Variants in PPP2R2C observed in about 807,000 individuals in gnomAD.
PPP2R2C encodes protein phosphatase 2, regulatory subunit B, gamma.
PPP2R2C carries 10 observed loss-of-function variants against 45.3 expected under a neutral mutation model. The observed-to-expected ratio is 0.22, with a 90% CI of 0.14 to 0.37. The LOEUF is 0.37. PPP2R2C is among the 10% of genes least tolerant of loss of function. The probability of loss-of-function intolerance (pLI) is 1.00; values close to 1 mark genes in which losing one functional copy is unlikely to be tolerated. For missense variants in PPP2R2C, 308 were observed against 619.7 expected (o/e 0.50, Z 5.34); for synonymous variants, 257 against 245.4 (o/e 1.05, Z -0.44).
chr4:6,483,874 T>A (rs1266904487), intron 2 of PPP2R2C, among the ~76,000 whole-genome samples: 2 of 152,110 alleles, frequency 1.3e-5, no homozygotes, highest in African/African-American at 4.8e-5. Flanking sequence ...CAAAGGTTTT[T>A]ACTCTGTTTT....
intron 6 of PPP2R2C, among the ~76,000 whole-genome samples, chr4:6,341,475 C>A (rs1247428353): frequency 6.6e-6 from 1 of 152,088 alleles, no homozygotes; most frequent in Non-Finnish European, 1.5e-5. Flanking sequence ...CTTGGCTCTA[C>A]TTAGCTGTGT....
intron 2 of PPP2R2C, among the ~76,000 whole-genome samples, chr4:6,522,735 G>A (rs138010757): frequency 6.6e-6 from 1 of 152,268 alleles, no homozygotes; most frequent in African/African-American, 2.4e-5. Flanking sequence ...CTCAGCAGGG[G>A]TCTGCCCTGG....
At chr4:6,354,245 G>A (rs73076932) in intron 5 of PPP2R2C, among the ~76,000 whole-genome samples, 2,475 of 151,710 alleles carry the variant, frequency 0.016, 32 homozygotes, top group Middle Eastern at 0.068. Context: ...CGAGGAGGTC[G>A]GACTTGCCCA....
rs938147992 is a variant in PPP2R2C, at chr4:6,324,576, G to A, written c.1053-983C>T. ...CTGGGACAGAAAACCACCAGGCCCT[G>A]CTTCCCTCCAGGGGCCCGCCTGTCC... is the stretch of plus-strand genomic sequence containing the variant. On this transcript the variant is annotated intron_variant, in intron 8 of 8. Coordinates refer to ENST00000382599, the MANE Select transcript of PPP2R2C (RefSeq NM_020416.4). This position sits in a 1 kb window ranked among gnomAD's most constrained non-coding sequence, Gnocchi z 4.1. Among the ~76,000 whole-genome samples, 7 of 152,224 alleles carry A rather than the reference G, an allele frequency of 4.6e-5. No homozygotes were observed. The highest frequency in any genetic ancestry group is 1.0e-4 in the Non-Finnish European group (7 of 68,040).
intron 1 of PPP2R2C, among the ~76,000 whole-genome samples, chr4:6,407,838 C>CG (rs1717904830): frequency 6.6e-6 from 1 of 152,178 alleles, no homozygotes; most frequent in South Asian, 2.1e-4. Flanking sequence ...TTTAGTGCTG[C>CG]GCTATCCAGT....
intron 1 of PPP2R2C, among the ~76,000 whole-genome samples, chr4:6,417,802 G>A (rs374803992): frequency 1.1e-4 from 17 of 152,336 alleles, no homozygotes; most frequent in African/African-American, 3.6e-4. Context: ...GACGGCCCTC[G>A]TCCACAGCTC....
At chr4:6,483,109 A>AAATG (rs1375092200) in intron 2 of PPP2R2C, among the ~76,000 whole-genome samples, 1 of 117,126 alleles carries the variant, frequency 8.5e-6, no homozygotes, top group African/African-American at 3.2e-5. Flanking sequence ...ACTGATAGAT[A>AAATG]AATGGATAGA....
At chr4:6,359,671 A>T (rs1418223217) in intron 5 of PPP2R2C, among the ~76,000 whole-genome samples, 21 of 151,230 alleles carry the variant, frequency 1.4e-4, no homozygotes, top group Admixed American at 1.4e-3. Flanking sequence ...CCAGAGGCAC[A>T]GCCTGCTCTC....
chr4:6,377,779 G>T lies in PPP2R2C; in HGVS notation c.334+628C>A, dbSNP rs557002867. ...GCGTGAGTGGGGGACCCAGGCCCAT[G>T]GTGAGCCAAGCAGGACAGCCCCAGC... On this transcript the variant is annotated intron_variant, in intron 3 of 8. Coordinates refer to ENST00000382599, the MANE Select transcript of PPP2R2C (RefSeq NM_020416.4). Among the ~76,000 whole-genome samples the T allele has an allele frequency of 5.3e-5, 8 of 152,282 alleles. No homozygotes were observed. In the East Asian group the frequency reaches 1.5e-3, roughly 30 times the overall value.
chr4:6,359,673 C>A (rs1713553596), intron 5 of PPP2R2C, among the ~76,000 whole-genome samples: 1 of 151,678 alleles, frequency 6.6e-6, no homozygotes, highest in Non-Finnish European at 1.5e-5. Flanking sequence ...AGAGGCACAG[C>A]CTGCTCTCCT....
intron 2 of PPP2R2C, among the ~76,000 whole-genome samples, chr4:6,487,565 G>A (rs1232724405): frequency 2.0e-5 from 3 of 151,946 alleles, no homozygotes; most frequent in African/African-American, 7.3e-5. Context: ...AGAGAAATCT[G>A]CTGTAATCCA....
chr4:6,454,135 C>T (rs555109986), intron 1 of PPP2R2C, among the ~76,000 whole-genome samples: 7 of 152,270 alleles, frequency 4.6e-5, no homozygotes, highest in South Asian at 4.1e-4. Context: ...TGCTCAGGAG[C>T]GGGGCAGTGG....
intron 5 of PPP2R2C, among the ~76,000 whole-genome samples, chr4:6,362,554 A>G (rs576646455): frequency 6.6e-6 from 1 of 152,334 alleles, no homozygotes. Context: ...TAAAGCAAGA[A>G]CCAAGAAATA....
chr4:6,339,548 T>A (rs1733282310), intron 6 of PPP2R2C, among the ~76,000 whole-genome samples: 1 of 152,246 alleles, frequency 6.6e-6, no homozygotes, highest in Admixed American at 6.5e-5. Context: ...CCCACCCCCA[T>A]CGTTGTCAGT....
At chr4:6,470,206 A>G (rs1721793541) in intron 1 of PPP2R2C, among the ~76,000 whole-genome samples, 1 of 152,218 alleles carries the variant, frequency 6.6e-6, no homozygotes, top group Non-Finnish European at 1.5e-5. Flanking sequence ...GCTCCCTGAT[A>G]GAATTCAGGC....
intron 1 of PPP2R2C, among the ~76,000 whole-genome samples, chr4:6,460,438 G>A (rs1721265004): frequency 6.6e-6 from 1 of 152,182 alleles, no homozygotes; most frequent in South Asian, 2.1e-4. Flanking sequence ...AGCACTGTGA[G>A]GCGGTAAGTC....
At chr4:6,447,638 A>G (rs1282081505) in intron 1 of PPP2R2C, among the ~76,000 whole-genome samples, 1 of 151,856 alleles carries the variant, frequency 6.6e-6, no homozygotes, top group Non-Finnish European at 1.5e-5. Flanking sequence ...TTTAATGAAA[A>G]GGAGGAAACT....
At chr4:6,362,244 G>T (rs1337654806) in intron 5 of PPP2R2C, among the ~76,000 whole-genome samples, 1 of 152,156 alleles carries the variant, frequency 6.6e-6, no homozygotes, top group African/African-American at 2.4e-5. Flanking sequence ...TGGAGTATGA[G>T]CTATGAGGGT....
chr4:6,473,550 T>C (rs1722028748), upstream of PPP2R2C, among the ~76,000 whole-genome samples: 1 of 152,310 alleles, frequency 6.6e-6, no homozygotes, highest in South Asian at 2.1e-4. Context: ...AGCGAGGGAC[T>C]CTGTGGCTTG....
Sources: allele counts gnomAD v4.1 joint callset (sites outside exome capture counted in the v4.1 genomes callset), GRCh38; gene constraint gnomAD v4.1.1; non-coding constraint Gnocchi (gnomAD v3.1); transcripts MANE v1.5; gene names NCBI Gene and HGNC (gene_info 2026-07-23, HGNC 2026-07-21).